Variants in SCFD2 observed in about 807,000 individuals in gnomAD.
The protein encoded by SCFD2 is sec1 family domain containing 2, also known as sec1 family domain-containing protein 2.
SCFD2 carries 54 observed loss-of-function variants against 58.9 expected under a neutral mutation model. The observed-to-expected ratio is 0.92, with a 90% CI of 0.74 to 1.15. The LOEUF (loss-of-function observed/expected upper bound fraction) is 1.15, where lower values mean the gene tolerates loss of function less well. Ranked by LOEUF, SCFD2 falls within the 50% of genes most tolerant of loss-of-function variation. The pLI, the probability that SCFD2 is intolerant of heterozygous loss-of-function variation, is 0.00. For synonymous variants in SCFD2, 321 were observed against 335.9 expected (o/e 0.96, Z 0.49); for missense variants, 805 against 836.6 (o/e 0.96, Z 0.47).
chr4:52,876,976 T>G (rs1718489241), intron 8 of SCFD2, among the ~76,000 whole-genome samples: 1 of 152,050 alleles, frequency 6.6e-6, no homozygotes, highest in Non-Finnish European at 1.5e-5. Context: ...GACGGTGGAT[T>G]CCTCTCTGGC....
chr4:52,938,842 G>A (rs1449887320), intron 5 of SCFD2, among the ~76,000 whole-genome samples: 2 of 152,058 alleles, frequency 1.3e-5, no homozygotes, highest in African/African-American at 2.4e-5. Context: ...ACTCGTCATC[G>A]GTGTTCAGCA....
chr4:53,329,425 G>T (rs1208110521), intron 2 of SCFD2, among the ~76,000 whole-genome samples: 18 of 151,830 alleles, frequency 1.2e-4, no homozygotes, highest in African/African-American at 4.4e-4. Flanking sequence ...CTCCTCAAGT[G>T]GGTCCCTGAC....
chr4:52,986,794 C>T (rs377729632), intron 5 of SCFD2, among the ~76,000 whole-genome samples: 16 of 151,994 alleles, frequency 1.1e-4, no homozygotes, highest in Admixed American at 6.5e-5. Context: ...CCACTGCGCT[C>T]GGCATGGGAT....
intron 5 of SCFD2, among the ~76,000 whole-genome samples, chr4:53,035,996 A>C (rs1330535549): frequency 6.6e-6 from 1 of 152,162 alleles, no homozygotes; most frequent in Non-Finnish European, 1.5e-5. Flanking sequence ...AAGGATTATA[A>C]ATCATTCTAC....
At chr4:53,253,555 AGC>A (rs1484615846) in intron 4 of SCFD2, among the ~76,000 whole-genome samples, 4 of 152,264 alleles carry the variant, frequency 2.6e-5, no homozygotes, top group African/African-American at 9.6e-5. Flanking sequence ...AATACTATGT[AGC>A]CATAAAAAAT....
At chr4:53,359,678 A>G (rs1431102270) in intron 1 of SCFD2, among the ~76,000 whole-genome samples, 2 of 152,208 alleles carry the variant, frequency 1.3e-5, no homozygotes, top group Non-Finnish European at 2.9e-5. Context: ...TTGATGTAAG[A>G]AACCTCACCA....
At chr4:53,249,469 A>G (rs978940463) in intron 4 of SCFD2, among the ~76,000 whole-genome samples, 1 of 152,140 alleles carries the variant, frequency 6.6e-6, no homozygotes, top group Non-Finnish European at 1.5e-5. Context: ...CACAAAGATA[A>G]TCCTTGAGAA....
chr4:53,165,098 C>A (rs1178887553), intron 4 of SCFD2, among the ~76,000 whole-genome samples: 2 of 152,170 alleles, frequency 1.3e-5, no homozygotes, highest in Admixed American at 1.3e-4. Context: ...TCTTGCTGCT[C>A]CTGGATTCCA....
intron 7 of SCFD2, among the ~76,000 whole-genome samples, chr4:52,890,338 G>T (rs1373152247): frequency 6.6e-6 from 1 of 152,246 alleles, no homozygotes; most frequent in Admixed American, 6.5e-5. Context: ...TGGGGCTAAG[G>T]AGTGGGGGAA....
intron 5 of SCFD2, among the ~76,000 whole-genome samples, chr4:53,142,476 G>A (rs528383891): frequency 2.6e-5 from 4 of 152,170 alleles, no homozygotes; most frequent in Non-Finnish European, 4.4e-5. Flanking sequence ...ACTGTACATC[G>A]GAATAACATG....
chr4:53,011,095 TA>T (rs35272848), intron 5 of SCFD2, among the ~76,000 whole-genome samples: 6 of 152,144 alleles, frequency 3.9e-5, no homozygotes, highest in Admixed American at 6.5e-5. Flanking sequence ...ATTTTCCCCC[TA>T]AAAAAGGCAG....
chr4:53,122,213 C>T (rs1725498328), intron 5 of SCFD2, among the ~76,000 whole-genome samples: 1 of 152,032 alleles, frequency 6.6e-6, no homozygotes, highest in Non-Finnish European at 1.5e-5. Flanking sequence ...CCCATCTCCA[C>T]TAAAAATACA....
intron 7 of SCFD2, among the ~76,000 whole-genome samples, chr4:52,888,371 T>C (rs1718793506): frequency 1.3e-5 from 2 of 152,148 alleles, no homozygotes; most frequent in South Asian, 4.1e-4. Context: ...CTGGAAAAAG[T>C]TTCAAAACAC....
chr4:53,211,332 G>T (rs1295025631), intron 4 of SCFD2, among the ~76,000 whole-genome samples: 1 of 151,812 alleles, frequency 6.6e-6, no homozygotes, highest in Non-Finnish European at 1.5e-5. Context: ...CACCCAGGGT[G>T]GGCATGGAAG....
chr4:53,246,109 T>G (rs1560407986), intron 4 of SCFD2, among the ~76,000 whole-genome samples: 1 of 151,766 alleles, frequency 6.6e-6, no homozygotes. Flanking sequence ...CCACAAAAAG[T>G]ATAAAACACC....
chr4:52,944,554 A>G (rs920905945), intron 5 of SCFD2, among the ~76,000 whole-genome samples: 1 of 152,090 alleles, frequency 6.6e-6, no homozygotes, highest in Non-Finnish European at 1.5e-5. Context: ...AGATGTCATG[A>G]CTCTTTTATT....
chr4:53,258,532 G>C, intron 4 of SCFD2, among the ~76,000 whole-genome samples: 1 of 102,998 alleles, frequency 9.7e-6, no homozygotes, highest in Admixed American at 9.3e-5. Flanking sequence ...ATTCCATGGT[G>C]TGTGTGTATA....
At chr4:53,319,625 G>A (rs999723508) in intron 2 of SCFD2, among the ~76,000 whole-genome samples, 2 of 151,608 alleles carry the variant, frequency 1.3e-5, no homozygotes, top group East Asian at 1.9e-4. Context: ...CTCCACCTTC[G>A]GGTTCCAGTG....
intron 2 of SCFD2, among the ~76,000 whole-genome samples, chr4:53,315,761 A>G (rs1160602239): frequency 1.3e-5 from 2 of 152,158 alleles, no homozygotes; most frequent in African/African-American, 4.8e-5. Flanking sequence ...TTTCTCACAT[A>G]AGTCTCAACG....
Sources: allele counts gnomAD v4.1 joint callset (sites outside exome capture counted in the v4.1 genomes callset), GRCh38; gene constraint gnomAD v4.1.1; transcripts MANE v1.5; gene names NCBI Gene and HGNC (gene_info 2026-07-23, HGNC 2026-07-21).